DCLK1: variants seen among roughly 807,000 people sequenced by gnomAD.
DCLK1 encodes the protein doublecortin like kinase 1.
A neutral mutation model predicts 86.2 loss-of-function variants in DCLK1; 16 were observed. The ratio of observed to expected loss-of-function variants is 0.19; its 90% CI spans 0.13 to 0.28. The LOEUF is 0.28. DCLK1 is among the 10% of genes least tolerant of loss of function. The probability of loss-of-function intolerance (pLI) is 1.00; values close to 1 mark genes in which losing one functional copy is unlikely to be tolerated. For synonymous variants in DCLK1, 369 were observed against 370.5 expected (o/e 1.00, Z 0.05); for missense variants, 590 against 940.2 (o/e 0.63, Z 4.87).
intron 6 of DCLK1, among the ~76,000 whole-genome samples, chr13:35,842,523 A>G (rs1033199220): frequency 6.6e-6 from 1 of 151,206 alleles, no homozygotes; most frequent in Non-Finnish European, 1.5e-5. Context: ...CAAAAAAAAA[A>G]CCTGGTGCTT....
intron 16 of DCLK1, among the ~76,000 whole-genome samples, chr13:35,781,621 T>A (rs868114992): frequency 6.6e-6 from 1 of 152,358 alleles, no homozygotes; most frequent in Middle Eastern, 3.4e-3. Context: ...AGGCAAACAT[T>A]GACTGCTTTT....
At chr13:35,847,698 G>C (rs999695235) in intron 6 of DCLK1, 18 of 967,138 alleles carry the variant, frequency 1.9e-5, no homozygotes, top group Non-Finnish European at 2.2e-5. Context: ...GCATGTGTTG[G>C]AAATTCCCCG....
In DCLK1 at chr13:35,865,376, T is replaced by C. The variant is rs563159817; in HGVS notation, c.940+5848A>G. Among the ~76,000 whole-genome samples, 33 of 152,352 alleles carry C rather than the reference T, an allele frequency of 2.2e-4. No individual in the cohort carries two copies. The South Asian group carries it at 3.9e-3, about 18-fold the overall frequency. On this transcript the variant is annotated intron_variant, in intron 5 of 16. Coordinates refer to ENST00000360631, the MANE Select transcript of DCLK1 (RefSeq NM_001330071.2). The stretch of plus-strand genomic sequence containing the variant: ...TTCCTTATGATGCTCTTACAGATTC[T>C]CATTTCTTTAAGAAGCAGCTAGAAG...
At chr13:36,083,436 T>C (rs1326856460) in intron 3 of DCLK1, among the ~76,000 whole-genome samples, 3 of 152,194 alleles carry the variant, frequency 2.0e-5, no homozygotes, top group African/African-American at 7.2e-5. Context: ...GTCGAACAAA[T>C]GGGATGGCAT....
At chr13:36,048,701 T>C (rs1447827594) in intron 3 of DCLK1, among the ~76,000 whole-genome samples, 1 of 152,216 alleles carries the variant, frequency 6.6e-6, no homozygotes, top group Non-Finnish European at 1.5e-5. Context: ...GAGACTTTAC[T>C]TTCAGCTTTA....
intron 3 of DCLK1, among the ~76,000 whole-genome samples, chr13:35,958,162 TCACCAC>T (rs1878188983): frequency 2.9e-4 from 3 of 10,486 alleles, no homozygotes; most frequent in African/African-American, 5.3e-4. Flanking sequence ...ACTATAACCA[TCACCAC>T]CATCACCACT....
chr13:35,953,521 ATGTGAAATC>A (rs1314876019), intron 3 of DCLK1, among the ~76,000 whole-genome samples: 2 of 152,124 alleles, frequency 1.3e-5, no homozygotes, highest in African/African-American at 2.4e-5. Flanking sequence ...GACTCTCTTT[ATGTGAAATC>A]TGAATTCATA....
intron 3 of DCLK1, among the ~76,000 whole-genome samples, chr13:35,985,995 G>T (rs973072001): frequency 1.3e-5 from 2 of 152,076 alleles, no homozygotes; most frequent in East Asian, 3.9e-4. Context: ...TTCGTGAGGT[G>T]CAGTCCTCAC....
In DCLK1 at chr13:35,942,880, A is replaced by G. The variant is rs568367024; in HGVS notation, c.823+4478T>C. ...GCTCTGTTGTTGATGTATTCTACTA[A>G]CAAATATAATGCTATAACGGTAAGT... On this transcript the variant is annotated intron_variant, in intron 4 of 16. Coordinates refer to ENST00000360631, the MANE Select transcript of DCLK1 (RefSeq NM_001330071.2). Among the ~76,000 whole-genome samples, 11 of 152,322 alleles carry G rather than the reference A, an allele frequency of 7.2e-5. No homozygotes were observed. In the East Asian group the frequency reaches 1.9e-3, roughly 27 times the overall value.
At chr13:35,975,491 G>A (rs1448453897) in intron 3 of DCLK1, among the ~76,000 whole-genome samples, 7 of 152,098 alleles carry the variant, frequency 4.6e-5, no homozygotes, top group Non-Finnish European at 1.0e-4. Flanking sequence ...AGCCCACGAA[G>A]GACGCTATCC....
At chr13:36,033,772 A>T (rs1566654111) in intron 3 of DCLK1, among the ~76,000 whole-genome samples, 1 of 152,138 alleles carries the variant, frequency 6.6e-6, no homozygotes, top group Non-Finnish European at 1.5e-5. Flanking sequence ...CTAAAAATAC[A>T]AAATTAGCCA....
chr13:36,057,436 A>T (rs1883378360), intron 3 of DCLK1, among the ~76,000 whole-genome samples: 1 of 152,242 alleles, frequency 6.6e-6, no homozygotes. Context: ...ATGTAACACC[A>T]CATTTGGGAA....
At chr13:36,045,257 C>CTATATA (rs59721866) in intron 3 of DCLK1, among the ~76,000 whole-genome samples, 157 of 122,390 alleles carry the variant, frequency 1.3e-3, no homozygotes, top group African/African-American at 4.2e-3. Flanking sequence ...AATCCATCTT[C>CTATATA]TATATATATA....
At chr13:35,958,190 T>TGCTATA (rs1878201025) in intron 3 of DCLK1, among the ~76,000 whole-genome samples, 2 of 5,666 alleles carry the variant, frequency 3.5e-4, no homozygotes, top group Non-Finnish European at 1.2e-3. Context: ...TAACCACCAC[T>TGCTATA]ACCACCACCA....
At chr13:36,036,597 A>G (rs1171007) in intron 3 of DCLK1, among the ~76,000 whole-genome samples, 152,134 of 152,308 alleles carry the variant, frequency 1, 75,980 homozygotes, top group Non-Finnish European at 1. Context: ...ACCCAAAAGG[A>G]TATATGTGTG....
intron 5 of DCLK1, among the ~76,000 whole-genome samples, chr13:35,858,065 G>A (rs1871174749): frequency 6.6e-6 from 1 of 152,152 alleles, no homozygotes; most frequent in African/African-American, 2.4e-5. Context: ...GATCAGGCTT[G>A]CATTTGAAAA....
intron 3 of DCLK1, among the ~76,000 whole-genome samples, chr13:35,988,898 G>C (rs565479787): frequency 6.6e-6 from 1 of 152,030 alleles, no homozygotes; most frequent in South Asian, 2.1e-4. Context: ...GAATCTTTGC[G>C]GCCGCCCAAA....
chr13:35,812,262 T>G (rs2087163115), intron 11 of DCLK1, among the ~76,000 whole-genome samples: 1 of 152,214 alleles, frequency 6.6e-6, no homozygotes, highest in African/African-American at 2.4e-5. Flanking sequence ...TCTGTTGGAA[T>G]GAATAAGATT....
intron 6 of DCLK1, chr13:35,849,217 G>T: frequency 9.1e-6 from 9 of 985,246 alleles, no homozygotes; most frequent in Non-Finnish European, 1.1e-5. Context: ...GGTAACATAC[G>T]TAACTATAAA....
Sources: allele counts gnomAD v4.1 joint callset (sites outside exome capture counted in the v4.1 genomes callset), GRCh38; gene constraint gnomAD v4.1.1; transcripts MANE v1.5; gene names NCBI Gene and HGNC (gene_info 2026-07-23, HGNC 2026-07-21).